Variants in MAGI2 observed in about 807,000 individuals in gnomAD.
MAGI2 encodes membrane-associated guanylate kinase, WW and PDZ domain-containing protein 2.
In MAGI2, 35 loss-of-function variants were observed where a neutral mutation model predicts 133.3. That is an observed-to-expected ratio of 0.26 (90% CI 0.20 to 0.35). The LOEUF is 0.35. Ranked by LOEUF, MAGI2 falls within the 10% of genes least tolerant of loss-of-function variation. The pLI, the probability that MAGI2 is intolerant of heterozygous loss-of-function variation, is 1.00. For missense variants in MAGI2, 1,636 were observed against 1,863.4 expected (o/e 0.88, Z 2.25); for synonymous variants, 729 against 710.6 (o/e 1.03, Z -0.41).
At chr7:78,734,199 A>T (rs16886304) in intron 2 of MAGI2, among the ~76,000 whole-genome samples, 7,970 of 152,268 alleles carry the variant, frequency 0.052, 391 homozygotes, top group East Asian at 0.23. Context: ...ACAGGCATCA[A>T]ATATAGCAGC....
intron 3 of MAGI2, among the ~76,000 whole-genome samples, chr7:78,626,146 C>G (rs1323989069): frequency 6.6e-6 from 1 of 152,128 alleles, no homozygotes; most frequent in Non-Finnish European, 1.5e-5. Context: ...TTTTTAATAT[C>G]ACTATTAGTT....
intron 1 of MAGI2, among the ~76,000 whole-genome samples, chr7:79,408,000 C>A (rs771461726): frequency 1.4e-4 from 22 of 152,032 alleles, no homozygotes; most frequent in Admixed American, 6.6e-5. Flanking sequence ...GATATTTGTA[C>A]AATTAAACTT....
chr7:78,549,182 A>G (rs1563154897), intron 3 of MAGI2, among the ~76,000 whole-genome samples: 1 of 152,134 alleles, frequency 6.6e-6, no homozygotes, highest in Non-Finnish European at 1.5e-5. Context: ...GTTGATAGAT[A>G]TAAGTGGGCC....
intron 10 of MAGI2, among the ~76,000 whole-genome samples, chr7:78,241,991 A>ATAGTTATT (rs1417534332): frequency 6.6e-6 from 1 of 152,108 alleles, no homozygotes; most frequent in African/African-American, 2.4e-5. Context: ...CAATAGTTAT[A>ATAGTTATT]TATCCTTGAT....
At chr7:78,143,318 A>G (rs920848057) in intron 16 of MAGI2, among the ~76,000 whole-genome samples, 4 of 152,196 alleles carry the variant, frequency 2.6e-5, no homozygotes, top group Middle Eastern at 3.2e-3. Flanking sequence ...TCTTTTTAAG[A>G]AACAGTTGCA....
At chr7:78,629,896 T>C (rs1402458826) in intron 2 of MAGI2, among the ~76,000 whole-genome samples, 1 of 152,096 alleles carries the variant, frequency 6.6e-6, no homozygotes, top group Admixed American at 6.5e-5. Context: ...ATTAAGCCTT[T>C]ATTGGAATTA....
At chr7:78,573,781 G>A (rs1345657900) in intron 3 of MAGI2, among the ~76,000 whole-genome samples, 1 of 152,004 alleles carries the variant, frequency 6.6e-6, no homozygotes, top group Admixed American at 6.6e-5. Flanking sequence ...ATTGAATGGT[G>A]AGTTGGGTTT....
At chr7:79,087,838 A>G (rs570468302) in intron 1 of MAGI2, among the ~76,000 whole-genome samples, 1 of 151,786 alleles carries the variant, frequency 6.6e-6, no homozygotes, top group Non-Finnish European at 1.5e-5. Flanking sequence ...GGCCTCTGTT[A>G]TGTTCCATTG....
intron 10 of MAGI2, among the ~76,000 whole-genome samples, chr7:78,238,124 G>A (rs1447265946): frequency 6.6e-6 from 1 of 151,934 alleles, no homozygotes; most frequent in African/African-American, 2.4e-5. Flanking sequence ...CCTTTTGCTG[G>A]TCACTCTTCC....
At chr7:78,668,109 A>C (rs1476606646) in intron 2 of MAGI2, among the ~76,000 whole-genome samples, 9 of 152,196 alleles carry the variant, frequency 5.9e-5, no homozygotes, top group Non-Finnish European at 1.3e-4. Flanking sequence ...ATGGTATCTC[A>C]TTGTGGTTTT....
chr7:78,311,399 G>C (rs1193053876), intron 9 of MAGI2, among the ~76,000 whole-genome samples: 1 of 152,196 alleles, frequency 6.6e-6, no homozygotes, highest in African/African-American at 2.4e-5. Context: ...GCAATGACTC[G>C]AAGTCTCTGC....
chr7:78,713,863 G>T (rs1390824), intron 2 of MAGI2, among the ~76,000 whole-genome samples: 22 of 151,904 alleles, frequency 1.4e-4, no homozygotes, highest in African/African-American at 5.3e-4. Flanking sequence ...TTTGTTTTTA[G>T]CAACCATCCT....
intron 10 of MAGI2, among the ~76,000 whole-genome samples, chr7:78,242,470 A>T (rs925630773): frequency 6.6e-6 from 1 of 152,232 alleles, no homozygotes; most frequent in South Asian, 2.1e-4. Context: ...TACAGTAGCC[A>T]GTATGTCATG....
rs748150263 is a variant in MAGI2 at position 79,136,012 on chromosome 7, A to G, written c.302-128806T>C. 1.5e-3 allele frequency among the ~76,000 whole-genome samples: 199 copies of G among 130,904 alleles called. 5 individuals are homozygous for G. Among genetic ancestry groups the G allele is most frequent in the Middle Eastern group, 0.011 (3 of 272 alleles). 85.9% of individuals were successfully genotyped at this position (130,904 alleles called of 152,430 possible). A position where few individuals can be genotyped will look rare whatever the true frequency, so the allele number is the denominator to read the frequency against. Reference sequence around the variant, plus strand: ...GAAAGAAAGAAAGAAAGAGAAAGAAAGAAAGAAAGAAAGAAGGAAAGAAAG... The same window carrying G: ...GAAAGAAAGAAAGAAAGAGAAAGAAGGAAAGAAAGAAAGAAGGAAAGAAAG... On this transcript the variant is annotated intron_variant, in intron 1 of 21. Coordinates refer to ENST00000354212, the MANE Select transcript of MAGI2 (RefSeq NM_012301.4).
rs150477478 is a variant in MAGI2 at position 78,627,193 on chromosome 7, A to G, written c.465T>C (p.Tyr155=). Residue 155 remains tyrosine, a synonymous_variant, in exon 3 of 22, where the codon TAT becomes TAC. Transcript: ENST00000354212. The stretch of plus-strand genomic sequence containing the variant: ...TAAAATCTTCAACAGTGATGAAAAT[A>G]TAATCCACTCCAGGGACCTCACCCT... ...HKEGEVPGVD[Y]IFITVEDFME... The G allele has an allele frequency of 1.9e-6, 3 of 1,592,804 alleles. No individual in the cohort carries two copies. The African/African-American group carries it at 4.1e-5, about 22-fold the overall frequency.
chr7:78,206,583 G>A (rs897366767), intron 10 of MAGI2, among the ~76,000 whole-genome samples: 17 of 152,096 alleles, frequency 1.1e-4, no homozygotes, highest in Non-Finnish European at 2.2e-4. Flanking sequence ...GAGCCACCGC[G>A]CCTGGCCGCC....
chr7:78,723,930 G>C (rs536207071), intron 2 of MAGI2, among the ~76,000 whole-genome samples: 1 of 152,260 alleles, frequency 6.6e-6, no homozygotes, highest in African/African-American at 2.4e-5. Context: ...ACATTGAGGA[G>C]TGTCTACATT....
intron 1 of MAGI2, among the ~76,000 whole-genome samples, chr7:79,126,766 T>C (rs1392522104): frequency 6.6e-6 from 1 of 151,824 alleles, no homozygotes; most frequent in Admixed American, 6.6e-5. Context: ...TCCCCCAGAC[T>C]TTTTTTTAAA....
At chr7:79,132,371 C>T (rs1429876301) in intron 1 of MAGI2, among the ~76,000 whole-genome samples, 1 of 152,080 alleles carries the variant, frequency 6.6e-6, no homozygotes, top group Non-Finnish European at 1.5e-5. Flanking sequence ...CAGCTTAGCT[C>T]CCACTTATAA....
Sources: allele counts gnomAD v4.1 joint callset (sites outside exome capture counted in the v4.1 genomes callset), GRCh38; gene constraint gnomAD v4.1.1; transcripts MANE v1.5; gene names NCBI Gene and HGNC (gene_info 2026-07-23, HGNC 2026-07-21).